The following COL25A1 variants were observed in gnomAD, a reference collection of about 807,000 sequenced individuals.
COL25A1 encodes the protein collagen alpha-1(XXV) chain.
In COL25A1, 103 loss-of-function variants were observed where a neutral mutation model predicts 128.4. The observed-to-expected ratio is 0.80, with a 90% CI of 0.68 to 0.94. COL25A1 has a LOEUF of 0.94. Among genes scored for constraint, COL25A1 ranks in the 40% least tolerant of loss-of-function variants. The pLI, the probability that COL25A1 is intolerant of heterozygous loss-of-function variation, is 0.00. For missense variants in COL25A1, 745 were observed against 840.0 expected, an observed-to-expected ratio of 0.89 and a Z score of 1.40; for synonymous variants, 279 against 277.2, an observed-to-expected ratio of 1.01 and a Z score of -0.06.
At chr4:108,825,121 T>C in intron 34 of COL25A1, 75 bp downstream of exon 34, 1 of 1,215,824 alleles carries the variant, frequency 8.2e-7, no homozygotes, top group Non-Finnish European at 1.2e-6. Context: ...AAAAGAAGTA[T>C]TCTTTTTGTT....
chr4:109,112,953 A>G (rs1767164218), intron 3 of COL25A1, among the ~76,000 whole-genome samples: 1 of 152,156 alleles, frequency 6.6e-6, no homozygotes, highest in East Asian at 1.9e-4. Context: ...TGAGCTTTCA[A>G]CTAAAGACCC....
rs1228061698 is a variant in COL25A1 at position 109,301,675 on chromosome 4, GC to G, written c.297+47del. On this transcript the variant is annotated intron_variant, in intron 2 of 37. Transcript: ENST00000399132. ...CGGCTAGTCATGCACACAGAGTCACGCTTGTACAAGATGTTACCCACGTGCA... is the reference window on the plus strand; with the variant it reads ...CGGCTAGTCATGCACACAGAGTCACGTTGTACAAGATGTTACCCACGTGCA... 4 of 1,576,424 alleles carry G rather than the reference GC, an allele frequency of 2.5e-6. No homozygotes were observed. In the African/African-American group the frequency reaches 5.4e-5, roughly 21 times the overall value.
At chr4:109,155,631 G>T (rs891504822) in intron 3 of COL25A1, among the ~76,000 whole-genome samples, 1 of 152,156 alleles carries the variant, frequency 6.6e-6, no homozygotes, top group African/African-American at 2.4e-5. Flanking sequence ...ATCATATCCT[G>T]TCATAGCTAA....
chr4:109,155,750 C>T (rs576887260), intron 3 of COL25A1, among the ~76,000 whole-genome samples: 39 of 152,310 alleles, frequency 2.6e-4, no homozygotes, highest in African/African-American at 8.7e-4. Flanking sequence ...TCCAAAGTTC[C>T]GTTTTGTTCA....
chr4:109,117,086 G>A (rs546781341), intron 3 of COL25A1, among the ~76,000 whole-genome samples: 3 of 151,560 alleles, frequency 2.0e-5, no homozygotes, highest in African/African-American at 7.2e-5. Context: ...AAAAACAGAA[G>A]TAATATTTGT....
intron 3 of COL25A1, among the ~76,000 whole-genome samples, chr4:109,295,565 T>A (rs1724895878): frequency 1.3e-5 from 2 of 152,084 alleles, no homozygotes; most frequent in Non-Finnish European, 2.9e-5. Context: ...TTCCATAGAT[T>A]GTGCAGTGTT....
At position 108,837,970 on chromosome 4, in the gene COL25A1, CTAATA is replaced by C. The variant is rs1734001897; in HGVS notation, c.1656+3720_1656+3724del. The C allele has an allele frequency of 4.1e-6, 3 of 727,704 alleles. No individual in the cohort carries two copies. The South Asian group carries it at 4.8e-5, about 12-fold the overall frequency. The allele number at this position is 727,704 out of a possible 1,614,324, so 45.1% of individuals were successfully genotyped here. On this transcript the variant is annotated intron_variant, in intron 31 of 37. Coordinates refer to ENST00000399132, the MANE Select transcript of COL25A1 (RefSeq NM_198721.4). ...AAACAAAACTGGGCTGAGCTCTGCT[CTAATA>C]TAATATGTTTTCTAATTACAGAAAC...
intron 3 of COL25A1, among the ~76,000 whole-genome samples, chr4:109,115,135 A>C (rs2126044614): frequency 6.6e-6 from 1 of 152,240 alleles, no homozygotes; most frequent in South Asian, 2.1e-4. Context: ...ACAAGGTATA[A>C]CATTCTTGTA....
At chr4:109,237,522 G>A (rs1675629232) in intron 3 of COL25A1, among the ~76,000 whole-genome samples, 1 of 151,566 alleles carries the variant, frequency 6.6e-6, no homozygotes. Context: ...GAATAAATAA[G>A]AGAGTTGCCG....
rs148340737 is a variant in COL25A1 at position 109,008,078 on chromosome 4, C to A, written c.438+2280G>T. On this transcript the variant is annotated intron_variant, in intron 6 of 37. Coordinates refer to ENST00000399132, the MANE Select transcript of COL25A1 (RefSeq NM_198721.4). ...TCTACTCTGTCTTGTCTATAAGACA[C>A]GAGCACTTGGATGTTGTGGCAGATG... is the stretch of plus-strand genomic sequence containing the variant. 2.0e-5 allele frequency among the ~76,000 whole-genome samples: 3 copies of A among 152,190 alleles called. No homozygotes were observed. The South Asian group carries it at 6.2e-4, about 32-fold the overall frequency.
chr4:108,850,638 C>A (rs190159643), intron 26 of COL25A1, among the ~76,000 whole-genome samples: 353 of 152,208 alleles, frequency 2.3e-3, no homozygotes, highest in African/African-American at 8.1e-3. Flanking sequence ...CTTAGAGGGA[C>A]CTTCTATGCA....
At chr4:109,260,522 G>A (rs1242149140) in intron 3 of COL25A1, among the ~76,000 whole-genome samples, 1 of 152,018 alleles carries the variant, frequency 6.6e-6, no homozygotes, top group Non-Finnish European at 1.5e-5. Context: ...TTGAGGCGGA[G>A]TCTCTCTGTG....
At chr4:109,182,709 G>A (rs927936558) in intron 3 of COL25A1, among the ~76,000 whole-genome samples, 2 of 152,038 alleles carry the variant, frequency 1.3e-5, no homozygotes, top group African/African-American at 4.8e-5. Flanking sequence ...AAACTGCGAT[G>A]ACAGACATTT....
chr4:108,850,512 G>A (rs1735643394), intron 26 of COL25A1, among the ~76,000 whole-genome samples: 1 of 152,114 alleles, frequency 6.6e-6, no homozygotes, highest in Admixed American at 6.5e-5. Flanking sequence ...GATGGCAAGG[G>A]TAGGAGGTAA....
In COL25A1 at chr4:108,845,174, C is replaced by T. The variant is rs1271784883; in HGVS notation, c.1578+15G>A. On this transcript the variant is annotated intron_variant, in intron 29 of 37. Coordinates refer to ENST00000399132, the MANE Select transcript of COL25A1 (RefSeq NM_198721.4). ...AGGTTCAGGAACAATGGAAGTTCAG[C>T]CACCATGGACTTACAGAAGGACCCT... 9.3e-6 allele frequency: 15 copies of T among 1,610,106 alleles called. No individual in the cohort carries two copies. In the East Asian group the frequency reaches 3.1e-4, roughly 33 times the overall value.
chr4:108,823,826 G>T, intron 35 of COL25A1: 2 of 1,050,554 alleles, frequency 1.9e-6, no homozygotes, highest in Non-Finnish European at 1.2e-6. Context: ...AATGAGCTCT[G>T]CCAAATACTA....
chr4:108,846,905 ATTT>A (rs36023184), intron 27 of COL25A1, among the ~76,000 whole-genome samples: 6 of 131,802 alleles, frequency 4.6e-5, no homozygotes, highest in Middle Eastern at 3.6e-3. Flanking sequence ...GAATTTTGTA[ATTT>A]TTTTTTTTTT....
rs553598399 is a variant in COL25A1 at position 108,889,824 on chromosome 4, C to T, written c.907-91G>A. 24 of 1,122,154 alleles carry T rather than the reference C, an allele frequency of 2.1e-5. No individual in the cohort carries two copies. In the Admixed American group the frequency reaches 3.6e-4, roughly 17 times the overall value. 69.5% of individuals were successfully genotyped at this position (1,122,154 alleles called of 1,614,324 possible). On this transcript the variant is annotated intron_variant, in intron 16 of 37. Transcript: ENST00000399132. Reference sequence around the variant, plus strand: ...GAGAGCCATCACCAACACAGGTACTCAAAGGGTATCTCATGACTAATGTGC... The same window carrying T: ...GAGAGCCATCACCAACACAGGTACTTAAAGGGTATCTCATGACTAATGTGC...
At position 108,934,048 on chromosome 4, in the gene COL25A1, G is replaced by A. The variant is rs200478684; in HGVS notation, c.708+3760C>T. Among the ~76,000 whole-genome samples, 156 of 152,026 alleles carry A rather than the reference G, an allele frequency of 1.0e-3. 2 individuals carry two copies. Among genetic ancestry groups the A allele is most frequent in the East Asian group, 5.6e-3 (29 of 5,170 alleles). On this transcript the variant is annotated intron_variant, in intron 11 of 37. Transcript: ENST00000399132. ...ACACATACACACGTATATTTATTGCGGTACTATTCACAATAGCAAAGACTT... is the reference window on the plus strand; with the variant it reads ...ACACATACACACGTATATTTATTGCAGTACTATTCACAATAGCAAAGACTT...
Sources: gnomAD v4.1 joint callset for allele counts (sites outside exome capture counted in the v4.1 genomes callset) on GRCh38, gnomAD v4.1.1 for gene constraint, MANE v1.5 for transcripts, NCBI Gene and HGNC (gene_info 2026-07-23, HGNC 2026-07-21) for gene names.